The following TMEM135 variants were observed in gnomAD, a reference collection of about 807,000 sequenced individuals.
The protein encoded by TMEM135 is peroxisomal membrane protein 52.
TMEM135 carries 30 observed loss-of-function variants against 60.3 expected under a neutral mutation model. That is an observed-to-expected ratio of 0.50 (90% CI 0.37 to 0.68). The LOEUF is 0.68. Among genes scored for constraint, TMEM135 ranks in the 30% least tolerant of loss-of-function variants. The pLI, the probability that TMEM135 is intolerant of heterozygous loss-of-function variation, is 0.00. For missense variants in TMEM135, 468 were observed against 548.8 expected, an observed-to-expected ratio of 0.85 and a Z score of 1.47; for synonymous variants, 190 against 186.7, an observed-to-expected ratio of 1.02 and a Z score of -0.14.
chr11:87,256,494 A>T (rs1263534513), intron 6 of TMEM135, among the ~76,000 whole-genome samples: 1 of 152,180 alleles, frequency 6.6e-6, no homozygotes, highest in African/African-American at 2.4e-5. Flanking sequence ...ATTCCTCAAA[A>T]TATTTTTTAA....
intron 4 of TMEM135, among the ~76,000 whole-genome samples, chr11:87,156,725 T>C (rs191860191): frequency 3.7e-4 from 57 of 152,318 alleles, no homozygotes; most frequent in Middle Eastern, 3.4e-3. Flanking sequence ...CTAAATTACT[T>C]TATCTCCTGT....
In TMEM135 at chr11:87,258,291, A is replaced by G. The variant is rs115524378; in HGVS notation, c.509+21607A>G. ...AACACACACACAAATCTAACAGCCA[A>G]AATGTGCAGAGGAAATGAGCTCCTG... On this transcript the variant is annotated intron_variant, in intron 6 of 14. Transcript: ENST00000305494. 4.1e-3 allele frequency among the ~76,000 whole-genome samples: 629 copies of G among 152,230 alleles called. 5 individuals carry two copies. Among genetic ancestry groups the G allele is most frequent in the African/African-American group, 0.014 (596 of 41,542 alleles).
chr11:87,155,044 G>T lies in TMEM135; in HGVS notation c.397-2297G>T, dbSNP rs536905988. ...ACTGAGTTTCACTCTTGTTGCCCAG[G>T]CTGGAATGCAGTGGTGCGATCTTGG... On this transcript the variant is annotated intron_variant, in intron 4 of 14. Coordinates refer to ENST00000305494, the MANE Select transcript of TMEM135 (RefSeq NM_022918.4). Among the ~76,000 whole-genome samples the T allele has an allele frequency of 4.5e-5, 4 of 89,174 alleles. No individual in the cohort carries two copies. In the South Asian group the frequency reaches 1.7e-3, roughly 37 times the overall value. 58.5% of individuals were successfully genotyped at this position (89,174 alleles called of 152,430 possible).
intron 1 of TMEM135, among the ~76,000 whole-genome samples, chr11:87,056,179 C>G (rs1440326308): frequency 6.6e-6 from 1 of 152,204 alleles, no homozygotes; most frequent in African/African-American, 2.4e-5. Context: ...ATTGGGATAT[C>G]TGGCCACTAC....
intron 4 of TMEM135, among the ~76,000 whole-genome samples, chr11:87,126,466 G>T (rs1029135251): frequency 1.3e-5 from 2 of 151,674 alleles, no homozygotes; most frequent in African/African-American, 4.8e-5. Flanking sequence ...GACTATAATT[G>T]AAACAATTAC....
chr11:87,289,626 T>G (rs1942231090), intron 6 of TMEM135, among the ~76,000 whole-genome samples: 1 of 151,930 alleles, frequency 6.6e-6, no homozygotes, highest in African/African-American at 2.4e-5. Context: ...CTGGCTAATT[T>G]TTTTATTTTT....
At chr11:87,170,946 C>A (rs1188513045) in intron 5 of TMEM135, among the ~76,000 whole-genome samples, 1 of 152,102 alleles carries the variant, frequency 6.6e-6, no homozygotes, top group East Asian at 1.9e-4. Flanking sequence ...ATCTATAAGC[C>A]CCTGCCTGGG....
intron 6 of TMEM135, among the ~76,000 whole-genome samples, chr11:87,239,635 A>T (rs987562723): frequency 1.3e-5 from 2 of 152,026 alleles, no homozygotes; most frequent in Non-Finnish European, 2.9e-5. Context: ...TGAGAAGAGG[A>T]TAGGGAAGAA....
At chr11:87,238,613 A>T (rs1158357299) in intron 6 of TMEM135, among the ~76,000 whole-genome samples, 1 of 152,016 alleles carries the variant, frequency 6.6e-6, no homozygotes, top group Non-Finnish European at 1.5e-5. Flanking sequence ...CTATATTTTA[A>T]TAATTTAGAA....
At chr11:87,169,897 T>G (rs948348220) in intron 5 of TMEM135, among the ~76,000 whole-genome samples, 1 of 152,164 alleles carries the variant, frequency 6.6e-6, no homozygotes, top group Non-Finnish European at 1.5e-5. Context: ...AAGAGTGTTT[T>G]CAAACCTGGT....
At chr11:87,297,276 C>G (rs968637153) in intron 7 of TMEM135, among the ~76,000 whole-genome samples, 4 of 152,132 alleles carry the variant, frequency 2.6e-5, no homozygotes, top group Non-Finnish European at 5.9e-5. Flanking sequence ...AAAGAAGGTG[C>G]TATTAACAGA....
At chr11:87,280,635 C>T (rs1942044419) in intron 6 of TMEM135, among the ~76,000 whole-genome samples, 1 of 152,180 alleles carries the variant, frequency 6.6e-6, no homozygotes, top group African/African-American at 2.4e-5. Context: ...TCCTAAAGCA[C>T]TGTGTACTTT....
intron 6 of TMEM135, among the ~76,000 whole-genome samples, chr11:87,263,769 C>A (rs1445306329): frequency 6.6e-6 from 1 of 151,978 alleles, no homozygotes; most frequent in Non-Finnish European, 1.5e-5. Context: ...ATTTTTGTAG[C>A]TTTTCTTAGA....
chr11:87,322,730 A>G lies in TMEM135; in HGVS notation c.*1397A>G, dbSNP rs1172842811. Reference sequence around the variant, plus strand: ...CATATTCAATTTCATCAAGCCTTGTATACTTCTGCTTAAATGTAATTCAAT... The same window carrying G: ...CATATTCAATTTCATCAAGCCTTGTGTACTTCTGCTTAAATGTAATTCAAT... On this transcript the variant is annotated 3_prime_UTR_variant, in exon 15 of 15. Coordinates refer to ENST00000305494, the MANE Select transcript of TMEM135 (RefSeq NM_022918.4). 6.6e-6 allele frequency: 3 copies of G among 454,008 alleles called. No individual in the cohort carries two copies. Among genetic ancestry groups the G allele is most frequent in the Non-Finnish European group, 1.3e-5 (3 of 226,746 alleles). 28.1% of individuals were successfully genotyped at this position (454,008 alleles called of 1,614,324 possible). A position where few individuals can be genotyped will look rare whatever the true frequency, so the allele number is the denominator to read the frequency against.
intron 6 of TMEM135, among the ~76,000 whole-genome samples, chr11:87,291,049 A>C (rs1227543979): frequency 1.3e-5 from 2 of 152,230 alleles, no homozygotes; most frequent in African/African-American, 4.8e-5. Context: ...AAATATATTC[A>C]GTCCTTGGAC....
chr11:87,150,792 C>T (rs1054907657), intron 4 of TMEM135, among the ~76,000 whole-genome samples: 6 of 152,012 alleles, frequency 3.9e-5, no homozygotes, highest in African/African-American at 7.2e-5. Context: ...TATCTTGTTC[C>T]GGTCTTGTCT....
chr11:87,084,386 C>T (rs761776031), intron 3 of TMEM135, among the ~76,000 whole-genome samples: 4 of 151,822 alleles, frequency 2.6e-5, no homozygotes, highest in Non-Finnish European at 5.9e-5. Flanking sequence ...TAGCTCACTG[C>T]AGCCTTGATC....
chr11:87,110,329 G>A lies in TMEM135; in HGVS notation c.396+18934G>A, dbSNP rs1857710087. ...TGAATCCTGGAAGGCCGGGCATGGCGGCTTGCATCTGTAGACCTAGCTACT... is the reference window on the plus strand; with the variant it reads ...TGAATCCTGGAAGGCCGGGCATGGCAGCTTGCATCTGTAGACCTAGCTACT... On this transcript the variant is annotated intron_variant, in intron 4 of 14. Transcript: ENST00000305494. 5.3e-5 allele frequency among the ~76,000 whole-genome samples: 8 copies of A among 152,168 alleles called. No individual in the cohort carries two copies. In the South Asian group the frequency reaches 1.5e-3, roughly 28 times the overall value.
chr11:87,308,007 T>G (rs1942580608), intron 9 of TMEM135, among the ~76,000 whole-genome samples: 1 of 152,260 alleles, frequency 6.6e-6, no homozygotes, highest in African/African-American at 2.4e-5. Context: ...TGTCTGCCCT[T>G]AACATTTAAT....
Sources: gnomAD v4.1 joint callset for allele counts (sites outside exome capture counted in the v4.1 genomes callset) on GRCh38, gnomAD v4.1.1 for gene constraint, MANE v1.5 for transcripts, NCBI Gene and HGNC (gene_info 2026-07-23, HGNC 2026-07-21) for gene names.